The following NUMB variants were observed in gnomAD, a reference collection of about 807,000 sequenced individuals.
NUMB encodes the protein NUMB endocytic adaptor protein, also known as protein numb homolog.
A neutral mutation model predicts 59.7 loss-of-function variants in NUMB; 29 were observed. The ratio of observed to expected loss-of-function variants is 0.49; its 90% CI spans 0.36 to 0.66. The LOEUF is 0.66. Among genes scored for constraint, NUMB ranks in the 30% least tolerant of loss-of-function variants. The pLI is 0.00. For synonymous variants in NUMB, 288 were observed against 288.2 expected (o/e 1.00, Z 0.01); for missense variants, 723 against 822.0 (o/e 0.88, Z 1.47).
intron 6 of NUMB, among the ~76,000 whole-genome samples, chr14:73,305,560 C>T (rs10137465): frequency 0.8 from 121,978 of 152,184 alleles, 49,465 homozygotes; most frequent in African/African-American, 0.93. Flanking sequence ...TGCGGGCATA[C>T]GCTAGGTAAG....
At chr14:73,307,309 TA>T (rs34444870) in intron 6 of NUMB, among the ~76,000 whole-genome samples, 100,904 of 143,128 alleles carry the variant, frequency 0.7, 35,411 homozygotes, top group East Asian at 0.84. Context: ...ACTCTGTCTT[TA>T]AAAAAAAAAA....
chr14:73,441,080 A>C (rs1883032113), intron 1 of NUMB, among the ~76,000 whole-genome samples: 1 of 152,202 alleles, frequency 6.6e-6, no homozygotes, highest in African/African-American at 2.4e-5. Context: ...TTATATCCAG[A>C]ATATATAAAG....
intron 6 of NUMB, among the ~76,000 whole-genome samples, chr14:73,309,263 C>A (rs979949912): frequency 6.6e-6 from 1 of 152,152 alleles, no homozygotes; most frequent in African/African-American, 2.4e-5. Flanking sequence ...TATAAAGACA[C>A]TTGCACATGT....
At chr14:73,346,553 TAATTA>T (rs1892932867) in intron 4 of NUMB, among the ~76,000 whole-genome samples, 1 of 152,138 alleles carries the variant, frequency 6.6e-6, no homozygotes, top group South Asian at 2.1e-4. Context: ...AAACCTACTT[TAATTA>T]ATCATTACTG....
intron 1 of NUMB, among the ~76,000 whole-genome samples, chr14:73,451,573 C>T (rs915898407): frequency 1.3e-5 from 2 of 152,132 alleles, no homozygotes; most frequent in African/African-American, 4.8e-5. Context: ...CGAGATTGTG[C>T]CACTGCACTC....
At chr14:73,398,411 AGAGAGTGTGTGTGTGTGT>A (rs1455585441) in intron 2 of NUMB, among the ~76,000 whole-genome samples, 6 of 104,058 alleles carry the variant, frequency 5.8e-5, no homozygotes, top group African/African-American at 2.6e-4. Context: ...AGAGAGAGAG[AGAGAGTGTGTGTGTGTGT>A]GTGTGTGTGT....
chr14:73,400,444 A>G (rs1248005019), intron 2 of NUMB, among the ~76,000 whole-genome samples: 1 of 152,234 alleles, frequency 6.6e-6, no homozygotes, highest in South Asian at 2.1e-4. Flanking sequence ...TAATGTGTCA[A>G]TGTGGGTTTA....
chr14:73,402,198 A>G (rs1396856010), intron 2 of NUMB, among the ~76,000 whole-genome samples: 1 of 152,204 alleles, frequency 6.6e-6, no homozygotes, highest in Non-Finnish European at 1.5e-5. Flanking sequence ...AAAAGACCTC[A>G]TAATTCAAAT....
chr14:73,426,245 T>C (rs987562534), intron 1 of NUMB, among the ~76,000 whole-genome samples: 3 of 152,192 alleles, frequency 2.0e-5, no homozygotes, highest in Non-Finnish European at 4.4e-5. Flanking sequence ...AAATAATGCA[T>C]AGCTGGCTCA....
intron 2 of NUMB, among the ~76,000 whole-genome samples, chr14:73,386,670 C>T (rs1424416362): frequency 2.0e-5 from 3 of 151,996 alleles, no homozygotes; most frequent in East Asian, 1.9e-4. Flanking sequence ...AAAAACAAAA[C>T]GCTATAGAAA....
intron 2 of NUMB, among the ~76,000 whole-genome samples, chr14:73,389,375 C>G (rs1895733553): frequency 6.6e-6 from 1 of 150,522 alleles, no homozygotes; most frequent in African/African-American, 2.4e-5. Context: ...CTCTGTCACC[C>G]AGGTTGGAGT....
At chr14:73,352,517 T>C (rs1594939734) in intron 4 of NUMB, among the ~76,000 whole-genome samples, 3 of 24,382 alleles carry the variant, frequency 1.2e-4, no homozygotes, top group African/African-American at 1.5e-4. Context: ...TATATATATA[T>C]ATATATATAT....
intron 4 of NUMB, among the ~76,000 whole-genome samples, chr14:73,324,849 A>G (rs1337518963): frequency 6.6e-6 from 1 of 152,134 alleles, no homozygotes; most frequent in Non-Finnish European, 1.5e-5. Flanking sequence ...TCTCTTTGGT[A>G]CCTCCAGACT....
chr14:73,344,933 A>T (rs1892828657), intron 4 of NUMB, among the ~76,000 whole-genome samples: 1 of 152,256 alleles, frequency 6.6e-6, no homozygotes, highest in South Asian at 2.1e-4. Context: ...TTACAGGTAG[A>T]TTCTTAGTAT....
At chr14:73,351,263 A>T (rs1027107239) in intron 4 of NUMB, among the ~76,000 whole-genome samples, 7 of 151,882 alleles carry the variant, frequency 4.6e-5, no homozygotes, top group Non-Finnish European at 1.0e-4. Flanking sequence ...CACAAGGTCA[A>T]GAGATCGAGA....
At chr14:73,348,021 T>C (rs1405805643) in intron 4 of NUMB, among the ~76,000 whole-genome samples, 3 of 152,188 alleles carry the variant, frequency 2.0e-5, no homozygotes, top group Non-Finnish European at 2.9e-5. Context: ...CAAAAGGAAC[T>C]CATTTTCTCT....
chr14:73,393,702 A>T (rs1895970890), intron 2 of NUMB, among the ~76,000 whole-genome samples: 1 of 152,214 alleles, frequency 6.6e-6, no homozygotes, highest in East Asian at 1.9e-4. Context: ...CTAAATTATT[A>T]TTCTTTTCAC....
intron 4 of NUMB, among the ~76,000 whole-genome samples, chr14:73,351,938 T>C (rs1360548893): frequency 6.6e-6 from 1 of 151,660 alleles, no homozygotes; most frequent in African/African-American, 2.4e-5. Context: ...ATGGCGCCAC[T>C]GCACTCCAGC....
intron 2 of NUMB, among the ~76,000 whole-genome samples, chr14:73,378,186 A>C (rs1895062325): frequency 6.6e-6 from 1 of 152,202 alleles, no homozygotes; most frequent in South Asian, 2.1e-4. Context: ...GGAACTGCAA[A>C]TTAAAACAAC....
Sources: gnomAD v4.1 joint callset for allele counts (sites outside exome capture counted in the v4.1 genomes callset) on GRCh38, gnomAD v4.1.1 for gene constraint, MANE v1.5 for transcripts, NCBI Gene and HGNC (gene_info 2026-07-23, HGNC 2026-07-21) for gene names.